RPH3A: variants seen among roughly 807,000 people sequenced by gnomAD.
RPH3A encodes rabphilin 3A.
A neutral mutation model predicts 102.2 loss-of-function variants in RPH3A; 48 were observed. That is an observed-to-expected ratio of 0.47 (90% confidence interval 0.37 to 0.60). The LOEUF is 0.60. Among genes scored for constraint, RPH3A ranks in the 20% least tolerant of loss-of-function variants. The probability of loss-of-function intolerance (pLI) is 0.00; values close to 1 mark genes in which losing one functional copy is unlikely to be tolerated. For synonymous variants in RPH3A, 310 were observed against 324.3 expected, an observed-to-expected ratio of 0.96 and a Z score of 0.47; for missense variants, 781 against 910.1, an observed-to-expected ratio of 0.86 and a Z score of 1.83.
chr12:112,768,243 C>T (rs1012682711), intron 1 of RPH3A, among the ~76,000 whole-genome samples: 1 of 152,238 alleles, frequency 6.6e-6, no homozygotes, highest in Admixed American at 6.5e-5. Flanking sequence ...CCCCTCCTCT[C>T]CCCTTGCTCC....
At position 112,883,374 on chromosome 12, in the gene RPH3A, G is replaced by C. The variant is rs771156884; in HGVS notation, c.1408G>C (p.Asp470His). 8.7e-6 allele frequency: 14 copies of C among 1,613,874 alleles called. No individual in the cohort carries two copies. The African/African-American group carries it at 1.2e-4, about 14-fold the overall frequency. Residue 470 changes from aspartate (D) to histidine (H), a missense_variant, in exon 16 of 22, where the codon GAT (aspartate) becomes CAT (histidine). Physicochemically the swap from Asp to His is moderately conservative, Grantham distance 81. This residue lies in a region of RPH3A where 730 missense variants were observed against 810.0 expected (regional missense o/e 0.90). Coordinates refer to ENST00000389385, the MANE Select transcript of RPH3A (RefSeq NM_001143854.2). ...NETLVYHGIT[D>H]EDMQRKTLRI... is the part of the protein sequence containing the mutation. ...GACCCTCGTGTATCACGGCATCACC[G>C]ATGAGGACATGCAAAGGAAGACCCT...
At chr12:112,675,864 G>C (rs1202894867) in intron 1 of RPH3A, among the ~76,000 whole-genome samples, 1 of 152,202 alleles carries the variant, frequency 6.6e-6, no homozygotes, top group East Asian at 1.9e-4. Flanking sequence ...TTTTAAGACA[G>C]AGAGATGTAA....
chr12:112,876,793 T>C lies in RPH3A; in HGVS notation c.1098T>C (p.Pro366=). The change falls in exon 13 of 22, where the codon CCT becomes CCC. Residue 366 remains proline, a synonymous_variant. Transcript: ENST00000389385. The part of the protein sequence containing the change: ...YSQASAAAPQ[P]AAARQPPPPE... ...AAGCATCTGCAGCTGCCCCCCAGCC[T>C]GCTGCAGCCCGCCAGCCACCACCCC... The C allele has an allele frequency of 1.2e-6, 2 of 1,610,082 alleles. No homozygotes were observed. The highest frequency in any genetic ancestry group is 2.2e-5 in the East Asian group (1 of 44,596).
Position 112,632,398 on chromosome 12 carries a change from C to G in RPH3A, c.-140+57079C>G, listed in dbSNP as rs548452309. ...TCCAATGTCTATCATTCCACATTCT[C>G]TGTCCATTGCATGCGTTATTCAGCT... On this transcript the variant is annotated intron_variant, in intron 1 of 21. Coordinates refer to the RPH3A transcript ENST00000543106. Among the ~76,000 whole-genome samples the G allele has an allele frequency of 2.6e-5, 4 of 152,296 alleles. No individual in the cohort carries two copies. The East Asian group carries it at 7.7e-4, about 29-fold the overall frequency.
intron 17 of RPH3A, 68 bp downstream of exon 17, chr12:112,887,991 C>A: frequency 6.4e-7 from 1 of 1,571,720 alleles, no homozygotes; most frequent in South Asian, 1.2e-5. Context: ...TCCTCTGGGT[C>A]TGAATTGGGG....
At chr12:112,652,889 T>C (rs1157781126) in intron 1 of RPH3A, among the ~76,000 whole-genome samples, 2 of 152,166 alleles carry the variant, frequency 1.3e-5, no homozygotes, top group Non-Finnish European at 2.9e-5. Flanking sequence ...TTCGTTGTCA[T>C]TTGACTGTCA....
At chr12:112,627,768 G>T (rs953913025) in intron 1 of RPH3A, among the ~76,000 whole-genome samples, 3 of 151,962 alleles carry the variant, frequency 2.0e-5, no homozygotes, top group Non-Finnish European at 2.9e-5. Flanking sequence ...GGGAGGTCAG[G>T]GAAGCCTTCC....
At chr12:112,873,156 C>T (rs918124712) in intron 10 of RPH3A, among the ~76,000 whole-genome samples, 9 of 152,154 alleles carry the variant, frequency 5.9e-5, no homozygotes, top group African/African-American at 2.2e-4. Context: ...ATAATAACAA[C>T]TTAAACTTAT....
intron 21 of RPH3A, among the ~76,000 whole-genome samples, chr12:112,896,392 T>C (rs550118102): frequency 1.4e-4 from 22 of 152,248 alleles, no homozygotes; most frequent in African/African-American, 5.1e-4. Context: ...AATGGTGATT[T>C]GTAGAAAGCC....
chr12:112,642,476 A>G (rs1284486430), intron 1 of RPH3A, among the ~76,000 whole-genome samples: 1 of 152,210 alleles, frequency 6.6e-6, no homozygotes, highest in African/African-American at 2.4e-5. Context: ...ACACTAAAAA[A>G]TTATTTGTTG....
intron 1 of RPH3A, among the ~76,000 whole-genome samples, chr12:112,667,282 T>C (rs1252092259): frequency 6.6e-6 from 1 of 152,212 alleles, no homozygotes; most frequent in East Asian, 1.9e-4. Flanking sequence ...CCAAATGGTA[T>C]ATATACCTAG....
At position 112,713,023 on chromosome 12, in the gene RPH3A, C is replaced by CTCTTCCTCTTCTTCTTCT. The variant is rs1473414104; in HGVS notation, c.-139-79115_-139-79114insCTCTTCTTCTTCTTCTTC. 6.4e-4 allele frequency among the ~76,000 whole-genome samples: 34 copies of CTCTTCCTCTTCTTCTTCT among 52,796 alleles called. 2 individuals carry two copies. The highest frequency in any genetic ancestry group is 4.4e-3 in the East Asian group (6 of 1,366). The allele number at this position is 52,796 out of a possible 152,430, so 34.6% of individuals were successfully genotyped here. A position where few individuals can be genotyped will look rare whatever the true frequency, so the allele number is the denominator to read the frequency against. Reference sequence around the variant, plus strand: ...CCTCTTCCTCTTCCTCTTCCTCTTCCTCTTCTTCTTCTTCTTCTTCTTCTT... The same window carrying CTCTTCCTCTTCTTCTTCT: ...CCTCTTCCTCTTCCTCTTCCTCTTCCTCTTCCTCTTCTTCTTCTTCTTCTTCTTCTTCTTCTTCTTCTT... On this transcript the variant is annotated intron_variant, in intron 1 of 21. Coordinates refer to the RPH3A transcript ENST00000543106.
At chr12:112,619,244 T>TTGTG (rs2135979181) in intron 1 of RPH3A, among the ~76,000 whole-genome samples, 1 of 132,470 alleles carries the variant, frequency 7.5e-6, no homozygotes, top group African/African-American at 2.9e-5. Flanking sequence ...CTTATGGTAA[T>TTGTG]TCTGTGTGTG....
chr12:112,613,616 A>T (rs192298617), intron 1 of RPH3A, among the ~76,000 whole-genome samples: 92 of 152,298 alleles, frequency 6.0e-4, no homozygotes, highest in Non-Finnish European at 5.4e-4. Context: ...CCTGGGCAAC[A>T]TAGTGAGACC....
At chr12:112,628,820 T>G (rs1032370210) in intron 1 of RPH3A, among the ~76,000 whole-genome samples, 1 of 152,020 alleles carries the variant, frequency 6.6e-6, no homozygotes, top group Non-Finnish European at 1.5e-5. Flanking sequence ...GAGTTACATT[T>G]GAATGGGATT....
intron 6 of RPH3A, among the ~76,000 whole-genome samples, chr12:112,866,040 C>T (rs1367118062): frequency 1.3e-5 from 2 of 152,316 alleles, no homozygotes; most frequent in Admixed American, 1.3e-4. Flanking sequence ...TGTTCACCCT[C>T]TAACCTTTCC....
chr12:112,842,246 GAC>G (rs1340172597), intron 4 of RPH3A, among the ~76,000 whole-genome samples: 1 of 152,210 alleles, frequency 6.6e-6, no homozygotes, highest in Non-Finnish European at 1.5e-5. Context: ...GCAAGGATTT[GAC>G]ACACAGTTTC....
At chr12:112,621,623 G>T (rs2039726199) in intron 1 of RPH3A, among the ~76,000 whole-genome samples, 5 of 151,416 alleles carry the variant, frequency 3.3e-5, no homozygotes, top group Admixed American at 3.3e-4. Context: ...CGGCAGCGAG[G>T]CTGGGGGAGG....
upstream of RPH3A, among the ~76,000 whole-genome samples, chr12:112,790,078 T>C (rs903412176): frequency 7.9e-5 from 12 of 151,686 alleles, no homozygotes; most frequent in Admixed American, 2.6e-4. Context: ...TTTTTTGAGA[T>C]GGAGTTTCAC....
Sources: allele counts gnomAD v4.1 joint callset (sites outside exome capture counted in the v4.1 genomes callset), GRCh38; gene constraint gnomAD v4.1.1; regional missense constraint gnomAD v4.1.1; transcripts MANE v1.5; gene names NCBI Gene and HGNC (gene_info 2026-07-23, HGNC 2026-07-21).